DOCK11: variants seen among roughly 807,000 people sequenced by gnomAD.
DOCK11 encodes the protein dedicator of cytokinesis 11, also known as dedicator of cytokinesis protein 11.
In DOCK11, 70 loss-of-function variants were observed where a neutral mutation model predicts 169.1. The ratio of observed to expected loss-of-function variants is 0.41; its 90% confidence interval spans 0.34 to 0.51. The LOEUF (loss-of-function observed/expected upper bound fraction) is 0.51. Among genes scored for constraint, DOCK11 ranks in the 20% least tolerant of loss-of-function variants. The pLI is 0.10. For missense variants in DOCK11, 1,166 were observed against 1,538.8 expected, an observed-to-expected ratio of 0.76 and a Z score of 4.05; for synonymous variants, 529 against 541.3, an observed-to-expected ratio of 0.98 and a Z score of 0.32.
Position 118,681,071 on chromosome X carries a change from T to C in DOCK11, c.5685T>C (p.Phe1895=). 2 of 1,173,551 alleles carry C rather than the reference T, an allele frequency of 1.7e-6. No individual in the cohort carries two copies. Among genetic ancestry groups the C allele is most frequent in the Non-Finnish European group, 2.3e-6 (2 of 878,508 alleles). Residue 1895 remains phenylalanine, a synonymous_variant, in exon 50 of 53, where the codon TTT becomes TTC. Transcript: ENST00000276202. ...RRTILTTSNS[F]PYVKKRIPIN... Reference sequence around the variant, plus strand: ...ACATTTTAATAGCTTCAAACTCGTTTCCTTACGTGAAGAAGAGGATTCCTA... The same window carrying C: ...ACATTTTAATAGCTTCAAACTCGTTCCCTTACGTGAAGAAGAGGATTCCTA...
chrX:118,538,659 C>T (rs1389951003), intron 1 of DOCK11: 6 of 745,560 alleles, frequency 8.0e-6, no homozygotes, highest in East Asian at 3.0e-4. Flanking sequence ...AGCACTGCTC[C>T]GGAACTGTAT....
intron 29 of DOCK11, among the ~76,000 whole-genome samples, chrX:118,615,316 A>C (rs773526323): frequency 4.9e-4 from 55 of 112,266 alleles, no homozygotes; most frequent in Non-Finnish European, 4.1e-4. Flanking sequence ...ACTATAAATC[A>C]CAATGTTTGT....
intron 7 of DOCK11, among the ~76,000 whole-genome samples, chrX:118,563,012 T>C (rs1225156655): frequency 8.9e-6 from 1 of 112,281 alleles, no homozygotes; most frequent in African/African-American, 3.2e-5. Context: ...TGAATGTTTG[T>C]TGATATGAAT....
At chrX:118,675,886 T>C in intron 46 of DOCK11, 50 bp from the exon 47 acceptor site, 1 of 755,877 alleles carries the variant, frequency 1.3e-6, no homozygotes, top group Non-Finnish European at 1.9e-6. Flanking sequence ...TTGAAGACAT[T>C]TAGTAATTAA....
chrX:118,671,571 A>G (rs1356710444), intron 46 of DOCK11, among the ~76,000 whole-genome samples: 2 of 112,404 alleles, frequency 1.8e-5, no homozygotes, highest in Non-Finnish European at 3.8e-5. Context: ...ATGAAAATAA[A>G]GTAAAACTTA....
rs1302573500 is a variant in DOCK11, at chrX:118,584,752, C to T, written c.1613C>T (p.Thr538Ile). The change falls in exon 15 of 53, where the codon ACT becomes ATT. Residue 538 changes from threonine to isoleucine, a missense_variant. Coordinates refer to ENST00000276202, the MANE Select transcript of DOCK11 (RefSeq NM_144658.4). ...AWAARPIFKD[T>I]QGSLDLDGRF... is the part of the protein sequence containing the mutation. ...TGTTTTAGACCCATTTTCAAAGATA[C>T]TCAAGGCTCTCTTGATCTGGATGGG... The T allele has an allele frequency of 1.7e-6, 2 of 1,173,238 alleles. No homozygotes were observed. The highest frequency in any genetic ancestry group is 2.3e-6 in the Non-Finnish European group (2 of 876,652).
At chrX:118,535,537 G>C (rs896627883) in intron 1 of DOCK11, among the ~76,000 whole-genome samples, 11 of 111,508 alleles carry the variant, frequency 9.9e-5, no homozygotes, top group Non-Finnish European at 1.7e-4. Flanking sequence ...AAGTATCCAG[G>C]GAATGTTATA....
At chrX:118,652,190 T>C (rs1013550049) in intron 42 of DOCK11, 113 bp downstream of exon 42, 2 of 463,226 alleles carry the variant, frequency 4.3e-6, no homozygotes, top group African/African-American at 4.8e-5. Context: ...GTACGGAATG[T>C]GAGTTTTATG....
chrX:118,652,794 A>G (rs956950248), intron 42 of DOCK11, among the ~76,000 whole-genome samples: 1 of 112,580 alleles, frequency 8.9e-6, no homozygotes, highest in Non-Finnish European at 1.9e-5. Context: ...AGAAGAATGA[A>G]TCATCCCCAT....
At position 118,618,704 on chromosome X, in the gene DOCK11, A is replaced by G. The variant is rs1215370758; in HGVS notation, c.3447A>G (p.Ala1149=). Residue 1149 remains alanine, a synonymous_variant, in exon 31 of 53, where the codon GCA becomes GCG. Transcript: ENST00000276202. Reference sequence around the variant, plus strand: ...TAAAGAATCTTTTGATAAAACATGCATTTGACACAAGATACCAGCACAAGG... The same window carrying G: ...TAAAGAATCTTTTGATAAAACATGCGTTTGACACAAGATACCAGCACAAGG... ...SVIKNLLIKH[A]FDTRYQHKNQ... 2 of 1,207,400 alleles carry G rather than the reference A, an allele frequency of 1.7e-6. No homozygotes were observed. The highest frequency in any genetic ancestry group is 2.2e-6 in the Non-Finnish European group (2 of 892,563).
At chrX:118,616,309 A>T in intron 30 of DOCK11, 1 of 724,797 alleles carries the variant, frequency 1.4e-6, no homozygotes, top group Admixed American at 3.5e-5. Flanking sequence ...ATGAATTGCT[A>T]AGATGGATGG....
intron 1 of DOCK11, among the ~76,000 whole-genome samples, chrX:118,513,285 A>C (rs777437698): frequency 7.1e-5 from 8 of 112,352 alleles, no homozygotes; most frequent in African/African-American, 2.6e-4. Flanking sequence ...GGAAAATTCC[A>C]AAGGCCTGAG....
intron 1 of DOCK11, among the ~76,000 whole-genome samples, chrX:118,515,743 T>A (rs984838629): frequency 9.2e-6 from 1 of 108,241 alleles, no homozygotes; most frequent in Non-Finnish European, 1.9e-5. Context: ...CTCTATTGTA[T>A]TAGAATGTAA....
Position 118,593,349 on chromosome X carries a change from C to CT in DOCK11, c.2263+15dup, listed in dbSNP as rs1386668841. ...AGTTGAAACTCCAGGTACGTGTTCT[C>CT]TTTAAATGTCTCTCTCTACAGTTAT... On this transcript the variant is annotated intron_variant, in intron 20 of 52. Coordinates refer to ENST00000276202, the MANE Select transcript of DOCK11 (RefSeq NM_144658.4). The CT allele has an allele frequency of 3.4e-6, 4 of 1,188,786 alleles. No individual in the cohort carries two copies. In the Admixed American group the frequency reaches 7.0e-5, roughly 21 times the overall value.
intron 48 of DOCK11, among the ~76,000 whole-genome samples, chrX:118,678,172 T>C (rs981226281): frequency 4.4e-5 from 5 of 112,919 alleles, no homozygotes; most frequent in Non-Finnish European, 9.4e-5. Context: ...CAAAGGCAAT[T>C]TGAAGAGGAG....
chrX:118,632,851 G>C (rs2015278684), intron 35 of DOCK11: 1 of 108,306 alleles, frequency 9.2e-6, no homozygotes, highest in Non-Finnish European at 1.9e-5. Context: ...ATTATATCGT[G>C]AGAAAAGGAA....
chrX:118,500,142 G>T (rs1440843288), intron 1 of DOCK11, among the ~76,000 whole-genome samples: 8 of 108,417 alleles, frequency 7.4e-5, no homozygotes, highest in Non-Finnish European at 3.8e-5. Flanking sequence ...TCCGCCTCCC[G>T]GGTTCACGTC....
At chrX:118,544,513 G>A (rs1282187003) in intron 4 of DOCK11, among the ~76,000 whole-genome samples, 1 of 108,469 alleles carries the variant, frequency 9.2e-6, no homozygotes. Flanking sequence ...TCCAAAAGAG[G>A]AGAAAACTGA....
chrX:118,560,022 G>A (rs1477636654), intron 6 of DOCK11, among the ~76,000 whole-genome samples: 1 of 110,050 alleles, frequency 9.1e-6, no homozygotes, highest in Non-Finnish European at 1.9e-5. Flanking sequence ...TTGATAGCAC[G>A]TAGCCCACAT....
Sources: gnomAD v4.1 joint callset for allele counts (sites outside exome capture counted in the v4.1 genomes callset) on GRCh38, gnomAD v4.1.1 for gene constraint, MANE v1.5 for transcripts, NCBI Gene and HGNC (gene_info 2026-07-23, HGNC 2026-07-21) for gene names.